Variants in STXBP5L observed in about 807,000 individuals in gnomAD.
The protein encoded by STXBP5L is syntaxin-binding protein 5-like.
Under a neutral mutation model 144.5 loss-of-function variants are expected in STXBP5L, and 65 were observed. The observed-to-expected ratio is 0.45, with a 90% confidence interval of 0.37 to 0.55. STXBP5L has a LOEUF of 0.55. STXBP5L is among the 20% of genes least tolerant of loss of function. STXBP5L has a pLI of 0.00. For synonymous variants in STXBP5L, 505 were observed against 469.6 expected, an observed-to-expected ratio of 1.08 and a Z score of -0.97; for missense variants, 1,298 against 1,405.5, an observed-to-expected ratio of 0.92 and a Z score of 1.22.
chr3:121,204,372 G>T (rs764634367), intron 9 of STXBP5L, among the ~76,000 whole-genome samples: 3 of 152,146 alleles, frequency 2.0e-5, no homozygotes, highest in Admixed American at 6.5e-5. Flanking sequence ...CAGTGTGAAT[G>T]ATTATGGTCA....
At chr3:120,942,454 T>A (rs867450766) in intron 2 of STXBP5L, among the ~76,000 whole-genome samples, 18 of 151,576 alleles carry the variant, frequency 1.2e-4, no homozygotes, top group Middle Eastern at 3.2e-3. Context: ...GTATTTTGTC[T>A]TTCTAACCAC....
chr3:120,944,964 A>G (rs113975154), intron 2 of STXBP5L, among the ~76,000 whole-genome samples: 1 of 151,856 alleles, frequency 6.6e-6, no homozygotes, highest in African/African-American at 2.4e-5. Flanking sequence ...GTTATTGAAA[A>G]CAAGCATCAT....
chr3:121,095,957 G>A (rs1484906127), intron 5 of STXBP5L, among the ~76,000 whole-genome samples: 9 of 152,126 alleles, frequency 5.9e-5, no homozygotes, highest in Non-Finnish European at 1.5e-5. Context: ...CGTACAGATG[G>A]GGTTTTGGTG....
chr3:121,413,140 T>A lies in STXBP5L; in HGVS notation c.2949-18T>A, dbSNP rs1241128474. On this transcript the variant is annotated intron_variant, in intron 23 of 26. Coordinates refer to ENST00000471454, the MANE Select transcript of STXBP5L (RefSeq NM_001308330.2). ...AACAACCTGCATATGATATATGGAT[T>A]TACTTTTTTCCATTCAGCCTACCTA... The A allele has an allele frequency of 3.2e-6, 5 of 1,551,114 alleles. No individual in the cohort carries two copies. The East Asian group carries it at 1.2e-4, about 36-fold the overall frequency.
intron 11 of STXBP5L, among the ~76,000 whole-genome samples, chr3:121,231,882 C>G (rs1470194355): frequency 6.6e-6 from 1 of 152,110 alleles, no homozygotes; most frequent in Non-Finnish European, 1.5e-5. Context: ...ACAGAAAAAG[C>G]CAATCAAACA....
In STXBP5L at chr3:121,407,568, A is replaced by C. The variant is rs199913202; in HGVS notation, c.2913A>C (p.Ala971=). 199 of 1,613,180 alleles carry C rather than the reference A, an allele frequency of 1.2e-4. No homozygotes were observed. The highest frequency in any genetic ancestry group is 1.5e-4 in the Non-Finnish European group (176 of 1,179,538). ...VVVMCSSACL[A]CFCANGHIMI... ...TCATGTGTAGCAGTGCCTGCTTGGC[A>C]TGCTTTTGTGCTAACGGACATATCA... The change falls in exon 23 of 27, where the codon GCA becomes GCC. Residue 971 remains alanine, a synonymous_variant. Transcript: ENST00000471454.
chr3:121,403,302 T>C (rs2046925399), intron 22 of STXBP5L, among the ~76,000 whole-genome samples: 1 of 152,106 alleles, frequency 6.6e-6, no homozygotes, highest in African/African-American at 2.4e-5. Flanking sequence ...GTTAATACAA[T>C]AGTCTGGATG....
rs539489231 is a variant in STXBP5L at position 121,254,781 on chromosome 3, C to T, written c.1442-114C>T. 16 of 889,560 alleles carry T rather than the reference C, an allele frequency of 1.8e-5. No homozygotes were observed. The African/African-American group carries it at 2.5e-4, about 14-fold the overall frequency. The allele number at this position is 889,560 out of a possible 1,614,324, so 55.1% of individuals were successfully genotyped here. A position where few individuals can be genotyped will look rare whatever the true frequency, so the allele number is the denominator to read the frequency against. ...ATGCTTTACTGGTTAAAATGTAATT[C>T]ACTTTGTCTACTTAGGTTTACTTTT... is the stretch of plus-strand genomic sequence containing the variant. On this transcript the variant is annotated intron_variant, in intron 15 of 26. Transcript: ENST00000471454.
At chr3:121,319,796 A>G (rs1312199739) in intron 20 of STXBP5L, among the ~76,000 whole-genome samples, 5 of 152,136 alleles carry the variant, frequency 3.3e-5, no homozygotes, top group African/African-American at 1.2e-4. Flanking sequence ...AATACCCTTT[A>G]TCAAATTTAC....
chr3:121,039,006 G>A (rs918681831), intron 3 of STXBP5L, among the ~76,000 whole-genome samples: 4 of 151,726 alleles, frequency 2.6e-5, no homozygotes, highest in Non-Finnish European at 4.4e-5. Context: ...ATTTAAAGGA[G>A]GTTTCTGTAC....
chr3:121,099,332 G>T (rs1202087646), intron 5 of STXBP5L: 1 of 152,190 alleles, frequency 6.6e-6, no homozygotes, highest in Non-Finnish European at 1.5e-5. Flanking sequence ...CTGGAGAACT[G>T]CAAGCACCTG....
intron 7 of STXBP5L, among the ~76,000 whole-genome samples, chr3:121,126,070 A>T (rs2044691046): frequency 6.6e-6 from 1 of 152,040 alleles, no homozygotes; most frequent in Admixed American, 6.6e-5. Flanking sequence ...TCTTTCTTTT[A>T]TTATTACAAC....
intron 20 of STXBP5L, among the ~76,000 whole-genome samples, chr3:121,370,684 T>C (rs2046003610): frequency 6.6e-6 from 1 of 152,262 alleles, no homozygotes; most frequent in African/African-American, 2.4e-5. Context: ...TTCATATTTC[T>C]CAGAGGTTTT....
At chr3:121,245,286 C>T (rs182425701) in intron 14 of STXBP5L, among the ~76,000 whole-genome samples, 2 of 143,804 alleles carry the variant, frequency 1.4e-5, no homozygotes, top group Admixed American at 7.0e-5. Flanking sequence ...ATGGTAAACA[C>T]GAAGAAAATG....
At chr3:121,329,021 CAT>C (rs1385227931) in intron 20 of STXBP5L, among the ~76,000 whole-genome samples, 1 of 151,742 alleles carries the variant, frequency 6.6e-6, no homozygotes, top group South Asian at 2.1e-4. Flanking sequence ...TATATACACA[CAT>C]ATATATAATG....
intron 3 of STXBP5L, among the ~76,000 whole-genome samples, chr3:121,006,565 T>G (rs1019265374): frequency 3.3e-5 from 5 of 152,196 alleles, no homozygotes; most frequent in Non-Finnish European, 7.3e-5. Context: ...AGGTTGATAT[T>G]GTTATGTATG....
intron 20 of STXBP5L, among the ~76,000 whole-genome samples, chr3:121,322,685 TG>T (rs1209439613): frequency 9.0e-6 from 1 of 111,462 alleles, no homozygotes; most frequent in Non-Finnish European, 1.9e-5. Flanking sequence ...GTGTGTGGGG[TG>T]GGGGGTTGAG....
At chr3:121,063,649 C>T (rs2041396387) in intron 5 of STXBP5L, among the ~76,000 whole-genome samples, 1 of 152,160 alleles carries the variant, frequency 6.6e-6, no homozygotes, top group African/African-American at 2.4e-5. Context: ...TGTATAAGCC[C>T]CAGACTGGGG....
chr3:121,062,689 G>T (rs748920001), intron 5 of STXBP5L, among the ~76,000 whole-genome samples: 1 of 152,138 alleles, frequency 6.6e-6, no homozygotes, highest in African/African-American at 2.4e-5. Flanking sequence ...CATATTTCTT[G>T]GAGGTTTTGT....
Sources: gnomAD v4.1 joint callset for allele counts (sites outside exome capture counted in the v4.1 genomes callset) on GRCh38, gnomAD v4.1.1 for gene constraint, MANE v1.5 for transcripts, NCBI Gene and HGNC (gene_info 2026-07-23, HGNC 2026-07-21) for gene names.